Variants in ROR1 observed in about 807,000 individuals in gnomAD.
ROR1 encodes the protein ROR family WNT receptor 1.
ROR1 carries 19 observed loss-of-function variants against 78.8 expected under a neutral mutation model. The observed-to-expected ratio is 0.24, with a 90% CI of 0.17 to 0.35. The LOEUF is 0.35. ROR1 is among the 10% of genes least tolerant of loss of function. The probability of loss-of-function intolerance (pLI) is 1.00; values close to 1 mark genes in which losing one functional copy is unlikely to be tolerated. For missense variants in ROR1, 917 were observed against 1,177.8 expected (o/e 0.78, Z 3.24); for synonymous variants, 386 against 433.6 (o/e 0.89, Z 1.36).
intron 2 of ROR1, among the ~76,000 whole-genome samples, chr1:64,024,113 G>A (rs1286028987): frequency 1.3e-5 from 2 of 152,184 alleles, no homozygotes; most frequent in African/African-American, 2.4e-5. Flanking sequence ...GTGGAAATGT[G>A]AGTCAATTAA....
intron 1 of ROR1, among the ~76,000 whole-genome samples, chr1:63,785,757 C>A (rs1288059529): frequency 2.9e-4 from 44 of 151,948 alleles, no homozygotes; most frequent in Admixed American, 2.9e-3. Flanking sequence ...AACTCCTGAC[C>A]TCAAGTGATC....
At position 64,160,058 on chromosome 1, in the gene ROR1, G is replaced by GT. The variant is rs372051741; in HGVS notation, c.1386+875dup. On this transcript the variant is annotated intron_variant, in intron 8 of 8. Coordinates refer to ENST00000371079, the MANE Select transcript of ROR1 (RefSeq NM_005012.4). ...TTAAGACTCTTGCATCTAACAGCCT[G>GT]TTTTTTTTTCTAATTATTCCAATTC... Among the ~76,000 whole-genome samples, 360 of 150,930 alleles carry GT rather than the reference G, an allele frequency of 2.4e-3. 1 individual carries two copies. Among genetic ancestry groups the GT allele is most frequent in the Middle Eastern group, 6.8e-3 (2 of 292 alleles).
At chr1:64,077,209 G>A (rs1440040899) in intron 4 of ROR1, among the ~76,000 whole-genome samples, 1 of 152,200 alleles carries the variant, frequency 6.6e-6, no homozygotes, top group Non-Finnish European at 1.5e-5. Context: ...TGTTCTTGAG[G>A]GCAGGGAGAT....
intron 8 of ROR1, among the ~76,000 whole-genome samples, chr1:64,165,210 G>C (rs564549040): frequency 6.6e-6 from 1 of 152,220 alleles, no homozygotes; most frequent in Non-Finnish European, 1.5e-5. Flanking sequence ...CCCATCAACA[G>C]TGTATAAGCG....
intron 1 of ROR1, among the ~76,000 whole-genome samples, chr1:63,805,554 A>C (rs1644823497): frequency 6.6e-6 from 1 of 152,368 alleles, no homozygotes; most frequent in African/African-American, 2.4e-5. Context: ...AAGAGAGGAA[A>C]GAGGGGAAGA....
intron 1 of ROR1, chr1:63,843,300 AT>A: frequency 1.5e-6 from 2 of 1,342,060 alleles, no homozygotes; most frequent in Non-Finnish European, 2.1e-6. Flanking sequence ...TTCATGCTTG[AT>A]CCCTGTCAGC....
intron 1 of ROR1, among the ~76,000 whole-genome samples, chr1:63,817,656 G>T (rs1005514078): frequency 5.3e-5 from 8 of 152,188 alleles, no homozygotes; most frequent in African/African-American, 1.9e-4. Flanking sequence ...CTGCAAGGGT[G>T]CAGGGAAGCA....
chr1:63,781,691 G>T (rs989223085), intron 1 of ROR1, among the ~76,000 whole-genome samples: 2 of 152,200 alleles, frequency 1.3e-5, no homozygotes, highest in African/African-American at 2.4e-5. Flanking sequence ...AATAATTCAT[G>T]GAACACACTC....
chr1:63,935,996 G>A (rs1293837573), intron 1 of ROR1, among the ~76,000 whole-genome samples: 1 of 152,198 alleles, frequency 6.6e-6, no homozygotes, highest in Non-Finnish European at 1.5e-5. Context: ...GATGTTGCTG[G>A]CATTTCTGAG....
chr1:63,821,218 A>G (rs1644921529), intron 1 of ROR1, among the ~76,000 whole-genome samples: 1 of 152,154 alleles, frequency 6.6e-6, no homozygotes, highest in Non-Finnish European at 1.5e-5. Flanking sequence ...TATTTCATTG[A>G]TGAGCTTCAG....
chr1:63,880,135 G>T (rs1160698377), intron 1 of ROR1, among the ~76,000 whole-genome samples: 3 of 152,130 alleles, frequency 2.0e-5, no homozygotes, highest in Non-Finnish European at 4.4e-5. Context: ...GGTAATAATA[G>T]TAATGACTAC....
At chr1:64,158,893 AGGT>A in intron 7 of ROR1, 85 bp from the exon 8 acceptor site, 1 of 925,688 alleles carries the variant, frequency 1.1e-6, no homozygotes. Context: ...AGAATAGAAG[AGGT>A]GGTTCATTTT....
intron 1 of ROR1, among the ~76,000 whole-genome samples, chr1:63,948,189 A>G (rs1180669420): frequency 1.3e-5 from 2 of 152,214 alleles, no homozygotes; most frequent in East Asian, 3.8e-4. Context: ...AATAAAACAA[A>G]CAAACAATGA....
intron 1 of ROR1, among the ~76,000 whole-genome samples, chr1:63,840,372 G>A (rs935480274): frequency 2.5e-4 from 38 of 149,236 alleles, no homozygotes; most frequent in African/African-American, 9.1e-4. Flanking sequence ...CTCTGCCTCC[G>A]GGGTTCGAGT....
At chr1:64,172,682 A>G (rs1213891991) in intron 8 of ROR1, among the ~76,000 whole-genome samples, 1 of 152,178 alleles carries the variant, frequency 6.6e-6, no homozygotes, top group African/African-American at 2.4e-5. Flanking sequence ...ACATCCCTGT[A>G]TGACAAATAC....
intron 7 of ROR1, among the ~76,000 whole-genome samples, chr1:64,148,637 C>T (rs966628911): frequency 4.6e-5 from 7 of 152,112 alleles, no homozygotes; most frequent in Non-Finnish European, 8.8e-5. Flanking sequence ...CTAATAAAGG[C>T]GCTTGAGAAC....
At chr1:63,775,405 T>G (rs779359446) in intron 1 of ROR1, 1 of 152,120 alleles carries the variant, frequency 6.6e-6, no homozygotes, top group Non-Finnish European at 1.5e-5. Flanking sequence ...AACCGATTCA[T>G]TCTTTGGAGG....
chr1:63,810,475 G>A (rs1229205433), intron 1 of ROR1, among the ~76,000 whole-genome samples: 1 of 152,194 alleles, frequency 6.6e-6, no homozygotes, highest in Non-Finnish European at 1.5e-5. Context: ...TTAATGAACT[G>A]CTAGGCAGGA....
At chr1:64,092,097 C>G (rs1569729532) in intron 4 of ROR1, among the ~76,000 whole-genome samples, 1 of 28,316 alleles carries the variant, frequency 3.5e-5, no homozygotes. Context: ...TAATTCTTCC[C>G]TCCCTCCCTC....
Sources: allele counts gnomAD v4.1 joint callset (sites outside exome capture counted in the v4.1 genomes callset), GRCh38; gene constraint gnomAD v4.1.1; transcripts MANE v1.5; gene names NCBI Gene and HGNC (gene_info 2026-07-23, HGNC 2026-07-21).